Variants in UXS1 observed in about 807,000 individuals in gnomAD.
UXS1 encodes UDP-glucuronate decarboxylase 1.
In UXS1, 33 loss-of-function variants were observed where a neutral mutation model predicts 62.6. That is an observed-to-expected ratio of 0.53 (90% CI 0.40 to 0.70). The LOEUF (loss-of-function observed/expected upper bound fraction) is 0.70. UXS1 is among the 30% of genes least tolerant of loss of function. The pLI is 0.00. For synonymous variants in UXS1, 213 were observed against 206.8 expected (o/e 1.03, Z -0.26); for missense variants, 434 against 556.3 (o/e 0.78, Z 2.21).
At chr2:106,101,623 A>G (rs1346416120) in intron 11 of UXS1, 1 of 153,414 alleles carries the variant, frequency 6.5e-6, no homozygotes, top group African/African-American at 2.4e-5. Context: ...AATCACAGAT[A>G]AAGGCAAACA....
intron 6 of UXS1, among the ~76,000 whole-genome samples, chr2:106,140,698 T>A (rs960739879): frequency 1.3e-5 from 2 of 152,128 alleles, no homozygotes; most frequent in African/African-American, 2.4e-5. Context: ...GGTATTGACA[T>A]AATTAAACTT....
chr2:106,101,901 T>C (rs1198387851), intron 11 of UXS1: 1 of 152,230 alleles, frequency 6.6e-6, no homozygotes, highest in East Asian at 1.9e-4. Context: ...ACAAGCACTT[T>C]TTCTACGCCA....
At chr2:106,175,856 A>T (rs1006025831) in intron 1 of UXS1, among the ~76,000 whole-genome samples, 3 of 152,190 alleles carry the variant, frequency 2.0e-5, no homozygotes, top group African/African-American at 7.2e-5. Context: ...GTATAAATAC[A>T]ACGGTAACTG....
chr2:106,108,739 G>A (rs776266599), intron 10 of UXS1, among the ~76,000 whole-genome samples: 2 of 152,158 alleles, frequency 1.3e-5, no homozygotes, highest in Admixed American at 1.3e-4. Flanking sequence ...CCGGCCGGGG[G>A]TGAGGGGCAG....
At chr2:106,104,705 C>A (rs1187914944) in intron 11 of UXS1, 89 bp downstream of exon 11, 5 of 1,504,216 alleles carry the variant, frequency 3.3e-6, no homozygotes, top group Non-Finnish European at 3.7e-6. Flanking sequence ...AAATGGTTAA[C>A]ATATACAAGA....
At chr2:106,149,949 G>A (rs1024308360) in intron 5 of UXS1, among the ~76,000 whole-genome samples, 1 of 152,180 alleles carries the variant, frequency 6.6e-6, no homozygotes, top group African/African-American at 2.4e-5. Flanking sequence ...AATATGGACA[G>A]TAAAGGCCAT....
At chr2:106,136,374 A>G (rs1680638319) in intron 6 of UXS1, among the ~76,000 whole-genome samples, 1 of 149,102 alleles carries the variant, frequency 6.7e-6, no homozygotes. Context: ...GGGATCTAGA[A>G]CTAGAAACAC....
chr2:106,186,457 T>TATATACACAC (rs375660148), intron 1 of UXS1, among the ~76,000 whole-genome samples: 200 of 148,794 alleles, frequency 1.3e-3, no homozygotes, highest in East Asian at 3.9e-3. Flanking sequence ...TATATATATA[T>TATATACACAC]ACACACACAC....
intron 6 of UXS1, chr2:106,138,792 C>A (rs1428370266): frequency 1.0e-6 from 1 of 985,490 alleles, no homozygotes. Context: ...AAACTGAAAA[C>A]CCTATGAAAA....
intron 4 of UXS1, chr2:106,159,450 A>G (rs1253964808): frequency 1.3e-5 from 2 of 152,254 alleles, no homozygotes; most frequent in Non-Finnish European, 2.9e-5. Context: ...AGTCTCACTT[A>G]TCTTTTGATA....
intron 5 of UXS1, among the ~76,000 whole-genome samples, chr2:106,150,650 C>G (rs1681933618): frequency 6.6e-6 from 1 of 152,238 alleles, no homozygotes; most frequent in South Asian, 2.1e-4. Flanking sequence ...GAGAACATGG[C>G]TTCTTCCAAC....
chr2:106,147,898 A>C (rs1168547396), intron 5 of UXS1, among the ~76,000 whole-genome samples: 1 of 152,196 alleles, frequency 6.6e-6, no homozygotes. Flanking sequence ...ACCATCCCTT[A>C]ACCACCACAT....
At chr2:106,109,260 C>T (rs565843576) in intron 10 of UXS1, among the ~76,000 whole-genome samples, 1 of 152,206 alleles carries the variant, frequency 6.6e-6, no homozygotes, top group East Asian at 1.9e-4. Flanking sequence ...ACTTTAGTAC[C>T]ATTGAATAAC....
chr2:106,191,547 T>C (rs1396263531), intron 1 of UXS1, among the ~76,000 whole-genome samples: 1 of 152,228 alleles, frequency 6.6e-6, no homozygotes, highest in Non-Finnish European at 1.5e-5. Context: ...ATAGCTAAAA[T>C]CAACCATGTC....
intron 6 of UXS1, chr2:106,138,186 C>G (rs1435769580): frequency 3.0e-6 from 3 of 985,340 alleles, no homozygotes; most frequent in Non-Finnish European, 2.4e-6. Flanking sequence ...CTCTTCCCTC[C>G]TCGTCGTCTG....
intron 2 of UXS1, 111 bp downstream of exon 2, chr2:106,165,945 T>C: frequency 1.9e-6 from 2 of 1,061,804 alleles, no homozygotes; most frequent in Non-Finnish European, 2.7e-6. Context: ...GAACCCACTT[T>C]TGTTTTAAAA....
intron 7 of UXS1, among the ~76,000 whole-genome samples, chr2:106,127,505 G>A (rs1018254711): frequency 3.3e-5 from 5 of 152,152 alleles, no homozygotes; most frequent in Non-Finnish European, 7.4e-5. Context: ...AATGACTCAC[G>A]CAGGATCTAC....
At chr2:106,159,842 TA>T (rs1573537628) in intron 4 of UXS1, among the ~76,000 whole-genome samples, 1 of 152,126 alleles carries the variant, frequency 6.6e-6, no homozygotes, top group Non-Finnish European at 1.5e-5. Flanking sequence ...TGAGCGTGCT[TA>T]AATTGGAGTG....
At chr2:106,175,355 A>G (rs1683814945) in intron 1 of UXS1, among the ~76,000 whole-genome samples, 1 of 152,250 alleles carries the variant, frequency 6.6e-6, no homozygotes, top group Admixed American at 6.5e-5. Context: ...CTAAGTTGAA[A>G]AACAGTTTCT....
Sources: gnomAD v4.1 joint callset for allele counts (sites outside exome capture counted in the v4.1 genomes callset) on GRCh38, gnomAD v4.1.1 for gene constraint, MANE v1.5 for transcripts, NCBI Gene and HGNC (gene_info 2026-07-23, HGNC 2026-07-21) for gene names.